SPATA9: variants seen among roughly 807,000 people sequenced by gnomAD.
SPATA9 encodes the protein spermatogenesis associated 9.
Under a neutral mutation model 25.5 loss-of-function variants are expected in SPATA9, and 27 were observed. The observed-to-expected ratio is 1.06, with a 90% CI of 0.78 to 1.46. The LOEUF (loss-of-function observed/expected upper bound fraction) is 1.46, where lower values mean the gene tolerates loss of function less well. SPATA9 is among the 40% of genes most tolerant of loss of function. The pLI is 0.00. For missense variants in SPATA9, 282 were observed against 297.5 expected (o/e 0.95, Z 0.38); for synonymous variants, 102 against 105.7 (o/e 0.97, Z 0.21).
At chr5:95,679,980 C>T (rs938782399) in intron 2 of SPATA9, among the ~76,000 whole-genome samples, 1 of 152,266 alleles carries the variant, frequency 6.6e-6, no homozygotes, top group Non-Finnish European at 1.5e-5. Context: ...TCACTGCAAC[C>T]TCCGCCTACC....
At chr5:95,675,357 C>A (rs1438275193) in intron 3 of SPATA9, 55 bp downstream of exon 3, 2 of 1,466,994 alleles carry the variant, frequency 1.4e-6, no homozygotes, top group African/African-American at 1.4e-5. Context: ...TCAAGTTTTG[C>A]AAATTTAAAA....
intron 3 of SPATA9, among the ~76,000 whole-genome samples, chr5:95,667,909 T>G (rs185111745): frequency 6.6e-6 from 1 of 152,248 alleles, no homozygotes; most frequent in East Asian, 1.9e-4. Context: ...TCTAGTTGTA[T>G]AAAAGTGTAT....
intron 1 of SPATA9, among the ~76,000 whole-genome samples, chr5:95,689,837 T>C (rs1208837086): frequency 1.1e-4 from 17 of 152,140 alleles, no homozygotes; most frequent in Admixed American, 6.5e-5. Flanking sequence ...ATACCCACCA[T>C]GGAATACTAT....
chr5:95,680,081 G>A (rs1753308044), intron 2 of SPATA9, among the ~76,000 whole-genome samples: 2 of 152,144 alleles, frequency 1.3e-5, no homozygotes, highest in African/African-American at 4.8e-5. Flanking sequence ...TGTATTTTTA[G>A]TAGAGACGGG....
chr5:95,659,026 TA>T, intron 4 of SPATA9, 113 bp from the exon 5 acceptor site: 3 of 1,337,572 alleles, frequency 2.2e-6, no homozygotes, highest in Non-Finnish European at 3.0e-6. Context: ...CATAATCTAA[TA>T]AAAAACACTT....
At chr5:95,696,031 C>T (rs779857872) in intron 1 of SPATA9, among the ~76,000 whole-genome samples, 2 of 152,162 alleles carry the variant, frequency 1.3e-5, no homozygotes, top group Non-Finnish European at 2.9e-5. Flanking sequence ...CTCTGGCCAA[C>T]AGCAATGAAG....
intron 3 of SPATA9, among the ~76,000 whole-genome samples, chr5:95,665,583 G>A (rs1345820855): frequency 2.0e-5 from 3 of 152,212 alleles, no homozygotes; most frequent in Admixed American, 6.5e-5. Context: ...GTATTCAATT[G>A]TGTATATAAA....
At chr5:95,731,842 C>G in the SPATA9 span, 2 of 1,607,432 alleles carry the variant, frequency 1.2e-6, no homozygotes, top group South Asian at 2.2e-5. Context: ...CTCCCCTCGC[C>G]CCCTCTGTCC....
At chr5:95,679,984 G>A (rs1035638278) in intron 2 of SPATA9, among the ~76,000 whole-genome samples, 4 of 152,164 alleles carry the variant, frequency 2.6e-5, no homozygotes, top group African/African-American at 9.7e-5. Flanking sequence ...TGCAACCTCC[G>A]CCTACCAGGT....
the SPATA9 span, among the ~76,000 whole-genome samples, chr5:95,711,135 G>A: frequency 1.3e-5 from 2 of 152,112 alleles, no homozygotes; most frequent in South Asian, 2.1e-4. Flanking sequence ...CTTAATACCC[G>A]TGAGGAGATA....
the SPATA9 span, among the ~76,000 whole-genome samples, chr5:95,712,182 A>T: frequency 6.6e-6 from 1 of 152,352 alleles, no homozygotes; most frequent in African/African-American, 2.4e-5. Flanking sequence ...TTTATATATT[A>T]ACTAATAAAA....
intron 4 of SPATA9, among the ~76,000 whole-genome samples, chr5:95,663,598 G>A (rs1037339532): frequency 7.9e-5 from 12 of 151,844 alleles, no homozygotes; most frequent in African/African-American, 2.4e-4. Context: ...TAATACCTGC[G>A]TTCCCCAAAG....
chr5:95,679,260 C>G (rs1753212310), intron 2 of SPATA9, among the ~76,000 whole-genome samples: 1 of 152,210 alleles, frequency 6.6e-6, no homozygotes, highest in Admixed American at 6.5e-5. Context: ...AGGATTCACC[C>G]TGAGCCTTCT....
the SPATA9 span, among the ~76,000 whole-genome samples, chr5:95,722,153 T>C: frequency 6.6e-6 from 1 of 152,064 alleles, no homozygotes; most frequent in African/African-American, 2.4e-5. Flanking sequence ...CCAGCTGGGA[T>C]AGTACCCAAT....
upstream of SPATA9, among the ~76,000 whole-genome samples, chr5:95,703,239 T>C (rs1034472159): frequency 5.3e-5 from 8 of 152,234 alleles, no homozygotes; most frequent in Non-Finnish European, 1.2e-4. Context: ...TATTTCTCTG[T>C]TTCTTTAACA....
chr5:95,719,033 G>A, the SPATA9 span, among the ~76,000 whole-genome samples: 1 of 152,156 alleles, frequency 6.6e-6, no homozygotes, highest in Non-Finnish European at 1.5e-5. Context: ...AAGTGGAGGG[G>A]AGGTGAAGGT....
At chr5:95,724,078 T>C in the SPATA9 span, among the ~76,000 whole-genome samples, 16 of 152,210 alleles carry the variant, frequency 1.1e-4, no homozygotes, top group African/African-American at 3.9e-4. Flanking sequence ...CAAAAGTTAT[T>C]GTGAATAAAG....
At chr5:95,711,849 T>C in the SPATA9 span, among the ~76,000 whole-genome samples, 4 of 152,208 alleles carry the variant, frequency 2.6e-5, no homozygotes, top group Non-Finnish European at 5.9e-5. Flanking sequence ...ACAGGGAACC[T>C]GATTAGGATA....
chr5:95,662,775 G>A (rs541620323), intron 4 of SPATA9, among the ~76,000 whole-genome samples: 1 of 152,298 alleles, frequency 6.6e-6, no homozygotes, highest in Admixed American at 6.5e-5. Flanking sequence ...ATATCCAAAT[G>A]TCCAACTAAT....
Sources: allele counts gnomAD v4.1 joint callset (sites outside exome capture counted in the v4.1 genomes callset), GRCh38; gene constraint gnomAD v4.1.1; transcripts MANE v1.5; gene names NCBI Gene and HGNC (gene_info 2026-07-23, HGNC 2026-07-21).